The following THEM5 variants were observed in gnomAD, a reference collection of about 807,000 sequenced individuals.
THEM5 encodes thioesterase superfamily member 5, also known as acyl-coenzyme A thioesterase THEM5.
Under a neutral mutation model 24.2 loss-of-function variants are expected in THEM5, and 28 were observed. The ratio of observed to expected loss-of-function variants is 1.16; its 90% CI spans 0.86 to 1.59. The LOEUF (loss-of-function observed/expected upper bound fraction) is 1.59, where lower values mean the gene tolerates loss of function less well. Among genes scored for constraint, THEM5 ranks in the 40% most tolerant of loss-of-function variants. The pLI, the probability that THEM5 is intolerant of heterozygous loss-of-function variation, is 0.00. For synonymous variants in THEM5, 87 were observed against 114.5 expected, an observed-to-expected ratio of 0.76 and a Z score of 1.53; for missense variants, 260 against 296.8, an observed-to-expected ratio of 0.88 and a Z score of 0.91.
chr1:151,847,636 C>T (rs192886988), intron 5 of THEM5, 102 bp downstream of exon 5: 35 of 1,515,960 alleles, frequency 2.3e-5, no homozygotes, highest in African/African-American at 1.4e-4. Context: ...GAAGCTGGAC[C>T]GCAGCTTGGG....
At position 151,848,246 on chromosome 1, in the gene THEM5, A is replaced by T. The variant is rs1653003177; in HGVS notation, c.511T>A (p.Ser171Thr). The change falls in exon 4 of 6, where the codon TCT (serine) becomes ACT (threonine). Residue 171 changes from serine (S) to threonine (T), a missense_variant. Coordinates refer to ENST00000368817, the MANE Select transcript of THEM5 (RefSeq NM_182578.4). The part of the protein sequence containing the change: ...SLAAMMDETF[S>T]KTAFLAGEGL... ...TCTCCAGCCAGGAAGGCAGTTTTAG[A>T]AAAGGTCTCGTCCATCATGGCTGCC... is the stretch of plus-strand genomic sequence containing the variant. The T allele has an allele frequency of 6.2e-7, 1 of 1,614,160 alleles. No individual in the cohort carries two copies. The highest frequency in any genetic ancestry group is 8.5e-7 in the Non-Finnish European group (1 of 1,180,022).
At chr1:151,848,003 G>T in intron 4 of THEM5, 141 bp from the exon 5 acceptor site, 1 of 1,497,978 alleles carries the variant, frequency 6.7e-7, no homozygotes, top group Non-Finnish European at 8.9e-7. Context: ...CTTTTTGTCA[G>T]CTCCCAAAGT....
rs1653102243 is a variant in THEM5, at chr1:151,851,041, C to A, written c.464+12G>T. 3.7e-6 allele frequency: 6 copies of A among 1,613,882 alleles called. No individual in the cohort carries two copies. The highest frequency in any genetic ancestry group is 5.1e-6 in the Non-Finnish European group (6 of 1,179,950). On this transcript the variant is annotated intron_variant, in intron 3 of 5. Transcript: ENST00000368817. ...GCCCAGGAGGCAGCCAAGGTCCTAC[C>A]AGTGACCTTACCCTGGGGGCCCCTC...
Position 151,853,472 on chromosome 1 carries a change from A to T in THEM5, c.94T>A (p.Ser32Thr), listed in dbSNP as rs1196778554. ...GAGTCTGTGGAGGATCCAAATGCTG[A>T]GGCAGGGTTGAGTCTGGGCAGGATA... ...PRILPRLNPA[S>T]AFGSSTDSMF... Residue 32 changes from serine to threonine, a missense_variant, in exon 1 of 6, where the codon TCA becomes ACA. By Grantham distance (58) the Ser-to-Thr change is moderately conservative. Coordinates refer to ENST00000368817, the MANE Select transcript of THEM5 (RefSeq NM_182578.4). The T allele has an allele frequency of 1.2e-6, 2 of 1,614,024 alleles. No individual in the cohort carries two copies. The highest frequency in any genetic ancestry group is 1.7e-6 in the Non-Finnish European group (2 of 1,179,962).
intron 3 of THEM5, among the ~76,000 whole-genome samples, chr1:151,849,437 G>T (rs1653045281): frequency 1.3e-5 from 2 of 152,234 alleles, no homozygotes; most frequent in Non-Finnish European, 2.9e-5. Flanking sequence ...CCCTCCTGCT[G>T]CTGTGACCAG....
intron 3 of THEM5, 74 bp downstream of exon 3, chr1:151,850,979 C>A: frequency 1.3e-6 from 2 of 1,577,830 alleles, no homozygotes; most frequent in South Asian, 1.1e-5. Flanking sequence ...ACTCCAGGGC[C>A]AGCCTGGTGG....
chr1:151,851,197 G>A lies in THEM5; in HGVS notation c.326-6C>T, dbSNP rs1310065742. 3.7e-6 allele frequency: 6 copies of A among 1,614,082 alleles called. No homozygotes were observed. In the Admixed American group the frequency reaches 6.7e-5, roughly 18 times the overall value. ...GATGCGACAGTCACCTTTGTCTGGG[G>A]AGAGATAGGCAGTGTTGCAGCCGGA... On this transcript the variant is annotated splice_region_variant and splice_polypyrimidine_tract_variant and intron_variant, in intron 2 of 5. Transcript: ENST00000368817.
chr1:151,848,568 T>C (rs1356280667), intron 3 of THEM5, among the ~76,000 whole-genome samples: 1 of 152,242 alleles, frequency 6.6e-6, no homozygotes, highest in African/African-American at 2.4e-5. Flanking sequence ...AGGGAAATTG[T>C]TTTTTTCTGA....
intron 1 of THEM5, 37 bp downstream of exon 1, chr1:151,853,406 G>A (rs201434936): frequency 8.7e-6 from 14 of 1,602,694 alleles, no homozygotes; most frequent in South Asian, 2.3e-5. Flanking sequence ...TAGGCTCCTG[G>A]GAAAACACTG....
chr1:151,853,393 C>T (rs1238076875), intron 1 of THEM5, 50 bp downstream of exon 1: 1 of 1,594,130 alleles, frequency 6.3e-7, no homozygotes, highest in South Asian at 1.1e-5. Flanking sequence ...GCTCCTTAAG[C>T]CCTAGGCTCC....
chr1:151,851,135 C>G lies in THEM5; in HGVS notation c.382G>C (p.Glu128Gln). 1.9e-6 allele frequency: 3 copies of G among 1,614,234 alleles called. No homozygotes were observed. The highest frequency in any genetic ancestry group is 2.5e-6 in the Non-Finnish European group (3 of 1,180,042). Residue 128 changes from glutamate (E) to glutamine (Q), a missense_variant, in exon 3 of 6, where the codon GAG (glutamate) becomes CAG (glutamine). Coordinates refer to ENST00000368817, the MANE Select transcript of THEM5 (RefSeq NM_182578.4). ...GTTGGCTGGAAAAAGATGACATACT[C>G]AAAGCCTTGTCCTTCCACTTGGATG... ...RCIQVEGQGF[E>Q]YVIFFQPTQK...
At position 151,851,125 on chromosome 1, in the gene THEM5, A is replaced by T; in HGVS notation, c.392T>A (p.Ile131Asn). 1 of 1,614,226 alleles carries T rather than the reference A, an allele frequency of 6.2e-7. No homozygotes were observed. The highest frequency in any genetic ancestry group is 8.5e-7 in the Non-Finnish European group (1 of 1,180,042). ...CTTCTTCTGGGTTGGCTGGAAAAAGATGACATACTCAAAGCCTTGTCCTTC... is the reference window on the plus strand; with the variant it reads ...CTTCTTCTGGGTTGGCTGGAAAAAGTTGACATACTCAAAGCCTTGTCCTTC... ...QVEGQGFEYV[I>N]FFQPTQKKSV... Residue 131 changes from isoleucine to asparagine, a missense_variant, in exon 3 of 6, where the codon ATC becomes AAC. Ile to Asn is a moderately radical substitution (Grantham distance 149). Coordinates refer to ENST00000368817, the MANE Select transcript of THEM5 (RefSeq NM_182578.4).
At position 151,847,833 on chromosome 1, in the gene THEM5, A is replaced by G. The variant is rs762679704; in HGVS notation, c.605T>C (p.Met202Thr). The change falls in exon 5 of 6, where the codon ATG becomes ACG. Residue 202 changes from methionine to threonine, a missense_variant. Physicochemically the swap from Met to Thr is moderately conservative, Grantham distance 81. Coordinates refer to ENST00000368817, the MANE Select transcript of THEM5 (RefSeq NM_182578.4). ...NLIPVDSLVV[M>T]DVELDKIEDQ... ...CTCAATCTTGTCCAGTTCTACGTCCATTACAACCAGAGAGTCCACGGGGAT... is the reference window on the plus strand; with the variant it reads ...CTCAATCTTGTCCAGTTCTACGTCCGTTACAACCAGAGAGTCCACGGGGAT... 1.1e-5 allele frequency: 18 copies of G among 1,614,070 alleles called. No homozygotes were observed. In the South Asian group the frequency reaches 1.6e-4, roughly 15 times the overall value.
chr1:151,850,915 G>T, intron 3 of THEM5, 138 bp downstream of exon 3: 1 of 1,111,688 alleles, frequency 9.0e-7, no homozygotes, highest in Non-Finnish European at 1.3e-6. Flanking sequence ...GGTATTGTGA[G>T]GCTGAAGCCT....
intron 2 of THEM5, 119 bp from the exon 3 acceptor site, chr1:151,851,310 G>A: frequency 7.5e-7 from 1 of 1,341,962 alleles, no homozygotes; most frequent in Non-Finnish European, 1.0e-6. Context: ...GAGGACACCA[G>A]GTCCACCCCC....
intron 3 of THEM5, among the ~76,000 whole-genome samples, chr1:151,850,597 G>A (rs1391231242): frequency 2.0e-5 from 3 of 152,116 alleles, no homozygotes; most frequent in South Asian, 2.1e-4. Flanking sequence ...TCATGAGCAC[G>A]CACACATAGG....
Position 151,848,300 on chromosome 1 carries a change from T to G in THEM5, c.465-8A>C, listed in dbSNP as rs778075405. The G allele has an allele frequency of 1.9e-6, 3 of 1,612,712 alleles. No individual in the cohort carries two copies. The highest frequency in any genetic ancestry group is 3.3e-5 in the Admixed American group (2 of 59,998). On this transcript the variant is annotated splice_region_variant and splice_polypyrimidine_tract_variant and intron_variant, in intron 3 of 5. Coordinates refer to ENST00000368817, the MANE Select transcript of THEM5 (RefSeq NM_182578.4). The stretch of plus-strand genomic sequence containing the variant: ...GACCCGCCGTGAGCAAACCTGGGGG[T>G]GGGGTAAGGTGAGGAGCAAGGCCTG...
Position 151,851,012 on chromosome 1 carries a change from C to G in THEM5, c.464+41G>C, listed in dbSNP as rs906943565. 2.5e-6 allele frequency: 4 copies of G among 1,611,398 alleles called. No individual in the cohort carries two copies. In the Admixed American group the frequency reaches 6.7e-5, roughly 27 times the overall value. On this transcript the variant is annotated intron_variant, in intron 3 of 5. Coordinates refer to ENST00000368817, the MANE Select transcript of THEM5 (RefSeq NM_182578.4). ...TGGGTGCTGAACCTGCCCTGCTGAG[C>G]CAAGCCCAGGAGGCAGCCAAGGTCC...
intron 3 of THEM5, 71 bp downstream of exon 3, chr1:151,850,982 C>G: frequency 6.3e-7 from 1 of 1,586,320 alleles, no homozygotes; most frequent in Non-Finnish European, 8.6e-7. Context: ...CCAGGGCCAG[C>G]CTGGTGGGTG....
Sources: allele counts gnomAD v4.1 joint callset (sites outside exome capture counted in the v4.1 genomes callset), GRCh38; gene constraint gnomAD v4.1.1; transcripts MANE v1.5; gene names NCBI Gene and HGNC (gene_info 2026-07-23, HGNC 2026-07-21).